Variants in RALGPS1 observed in about 807,000 individuals in gnomAD.
RALGPS1 encodes the protein Ral GEF with PH domain and SH3 binding motif 1.
A neutral mutation model predicts 78.8 loss-of-function variants in RALGPS1; 19 were observed. The ratio of observed to expected loss-of-function variants is 0.24; its 90% CI spans 0.17 to 0.35. RALGPS1 has a LOEUF of 0.35. RALGPS1 is among the 10% of genes least tolerant of loss of function. The probability of loss-of-function intolerance (pLI) is 1.00; values close to 1 mark genes in which losing one functional copy is unlikely to be tolerated. For synonymous variants in RALGPS1, 228 were observed against 256.3 expected, an observed-to-expected ratio of 0.89 and a Z score of 1.06; for missense variants, 454 against 688.3, an observed-to-expected ratio of 0.66 and a Z score of 3.81.
intron 8 of RALGPS1, among the ~76,000 whole-genome samples, chr9:127,116,801 G>T (rs1027498826): frequency 1.3e-5 from 2 of 152,210 alleles, no homozygotes; most frequent in Non-Finnish European, 2.9e-5. Context: ...GCTCTTTGAG[G>T]CAGGGGCTAT....
intron 11 of RALGPS1, among the ~76,000 whole-genome samples, chr9:127,176,851 A>G (rs989208092): frequency 2.0e-5 from 3 of 152,036 alleles, no homozygotes; most frequent in African/African-American, 7.3e-5. Flanking sequence ...GCCTTTCCCT[A>G]GTGGCTCTGT....
chr9:127,170,249 A>G (rs2059501070), intron 10 of RALGPS1, among the ~76,000 whole-genome samples: 2 of 152,188 alleles, frequency 1.3e-5, no homozygotes, highest in Admixed American at 1.3e-4. Flanking sequence ...CCACCTGGTC[A>G]GCTTTACAGG....
At chr9:127,007,629 G>T (rs764933089) in intron 4 of RALGPS1, among the ~76,000 whole-genome samples, 5 of 152,178 alleles carry the variant, frequency 3.3e-5, no homozygotes, top group Non-Finnish European at 5.9e-5. Context: ...TTTTCAGGCA[G>T]AGGGAGCAGC....
At chr9:127,136,997 T>C (rs1004704871) in intron 8 of RALGPS1, among the ~76,000 whole-genome samples, 1 of 152,104 alleles carries the variant, frequency 6.6e-6, no homozygotes, top group African/African-American at 2.4e-5. Flanking sequence ...GCCACAGGAA[T>C]GACCCATGTC....
At chr9:127,130,867 A>G (rs552093499) in intron 8 of RALGPS1, among the ~76,000 whole-genome samples, 6 of 152,296 alleles carry the variant, frequency 3.9e-5, no homozygotes, top group South Asian at 4.1e-4. Context: ...TTATCTGCCT[A>G]TGTGATGGAG....
intron 11 of RALGPS1, among the ~76,000 whole-genome samples, chr9:127,194,034 G>A (rs1049542297): frequency 2.5e-4 from 38 of 152,308 alleles, no homozygotes; most frequent in Non-Finnish European, 3.8e-4. Context: ...TCTGTGTATT[G>A]TGCACAGTGA....
Position 127,212,595 on chromosome 9 carries a change from G to T in RALGPS1, c.1354-32G>T. 1 of 1,508,538 alleles carries T rather than the reference G, an allele frequency of 6.6e-7. No homozygotes were observed. Among genetic ancestry groups the T allele is most frequent in the South Asian group, 1.1e-5 (1 of 87,424 alleles). The allele number at this position is 1,508,538 out of a possible 1,614,324, so 93.4% of individuals were successfully genotyped here. A position where few individuals can be genotyped will look rare whatever the true frequency, so the allele number is the denominator to read the frequency against. On this transcript the variant is annotated intron_variant, in intron 15 of 18. Coordinates refer to ENST00000259351, the MANE Select transcript of RALGPS1 (RefSeq NM_014636.3). The surrounding 1 kb of genome is among the most constrained non-coding windows in gnomAD (Gnocchi z 6.0). ...GGATCCTCTACCCCCACGACCCCTG[G>T]TGGCATCACTCAGCCTCCCCTTCCT...
chr9:127,142,270 G>GT (rs2057832618), intron 8 of RALGPS1, among the ~76,000 whole-genome samples: 2 of 152,232 alleles, frequency 1.3e-5, no homozygotes, highest in Non-Finnish European at 2.9e-5. Flanking sequence ...GTCTCAGGTT[G>GT]CAACAGTAGG....
At chr9:126,950,766 A>C (rs2131727785) in intron 1 of RALGPS1, among the ~76,000 whole-genome samples, 1 of 152,064 alleles carries the variant, frequency 6.6e-6, no homozygotes, top group South Asian at 2.1e-4. Context: ...CTAGAAAAGC[A>C]AGAGCAAACA....
At chr9:127,206,677 C>G (rs1202710107) in intron 14 of RALGPS1, among the ~76,000 whole-genome samples, 1 of 152,112 alleles carries the variant, frequency 6.6e-6, no homozygotes, top group African/African-American at 2.4e-5. Context: ...CTACTAAGAC[C>G]AAGATTACCA....
intron 8 of RALGPS1, among the ~76,000 whole-genome samples, chr9:127,112,598 C>T (rs79124973): frequency 2.0e-4 from 31 of 152,350 alleles, no homozygotes; most frequent in African/African-American, 5.8e-4. Flanking sequence ...CACAGCTCCC[C>T]GACAGAGTTC....
chr9:127,167,220 A>T (rs2139648623), intron 9 of RALGPS1, among the ~76,000 whole-genome samples: 1 of 152,324 alleles, frequency 6.6e-6, no homozygotes. Context: ...GGGTGGGTTC[A>T]CCAAAGCAAG....
At chr9:126,950,811 A>C in intron 1 of RALGPS1, among the ~76,000 whole-genome samples, 1 of 151,138 alleles carries the variant, frequency 6.6e-6, no homozygotes, top group African/African-American at 2.4e-5. Context: ...GAAATAACTA[A>C]AATCAGAGCA....
Position 127,108,230 on chromosome 9 carries a change from C to T in RALGPS1, c.610+38874C>T, listed in dbSNP as rs748017259. 13 of 1,613,930 alleles carry T rather than the reference C, an allele frequency of 8.1e-6. No homozygotes were observed. Among genetic ancestry groups the T allele is most frequent in the Admixed American group, 1.7e-5 (1 of 59,994 alleles). On this transcript the variant is annotated intron_variant, in intron 8 of 18. Transcript: ENST00000259351. Reference sequence around the variant, plus strand: ...TACTTGCTGGCCAGCTGCAGCATGTCGGCTGTCTGGTTCAGGATCCTGTTC... The same window carrying T: ...TACTTGCTGGCCAGCTGCAGCATGTTGGCTGTCTGGTTCAGGATCCTGTTC...
intron 8 of RALGPS1, among the ~76,000 whole-genome samples, chr9:127,120,664 T>TAC (rs1270046683): frequency 1.3e-5 from 2 of 151,922 alleles, no homozygotes; most frequent in African/African-American, 4.8e-5. Context: ...CTACTGAAAA[T>TAC]ACACACACAC....
At chr9:126,962,175 G>A (rs2038952626) in intron 1 of RALGPS1, 50 bp from the exon 2 acceptor site, 1 of 985,420 alleles carries the variant, frequency 1.0e-6, no homozygotes, top group Middle Eastern at 2.2e-4. Flanking sequence ...CTGGGGGTGG[G>A]GATAAATTTG....
chr9:127,196,590 C>T lies in RALGPS1; in HGVS notation c.1154C>T (p.Ala385Val), dbSNP rs1158666861. The T allele has an allele frequency of 2.2e-5, 35 of 1,612,712 alleles. No homozygotes were observed. Among genetic ancestry groups the T allele is most frequent in the Non-Finnish European group, 3.0e-5 (35 of 1,179,312 alleles). ...LESRSPRRGL[A>V]LTSSSAVTNG... is the part of the protein sequence containing the mutation. ...TCCCGCAGCCCCCGAAGGGGCCTGG[C>T]TCTGACCTCCTCCTCTGCTGTCACC... The change falls in exon 13 of 19, where the codon GCT becomes GTT. Residue 385 changes from alanine (A) to valine (V), a missense_variant. By Grantham distance (64) the Ala-to-Val change is moderately conservative. Coordinates refer to ENST00000259351, the MANE Select transcript of RALGPS1 (RefSeq NM_014636.3).
intron 8 of RALGPS1, among the ~76,000 whole-genome samples, chr9:127,159,280 C>G (rs1477223851): frequency 2.0e-5 from 3 of 152,170 alleles, no homozygotes; most frequent in Non-Finnish European, 4.4e-5. Context: ...CATTACCAGG[C>G]AATCCCCAGG....
In RALGPS1 at chr9:126,951,724, T is replaced by C. The variant is rs187319939; in HGVS notation, c.-65-10501T>C. Reference sequence around the variant, plus strand: ...CACAGCCATTGTCATACTGAATGGGTAAAAAACTGGAAGCATTCCCTTTGA... The same window carrying C: ...CACAGCCATTGTCATACTGAATGGGCAAAAAACTGGAAGCATTCCCTTTGA... On this transcript the variant is annotated intron_variant, in intron 1 of 18. Transcript: ENST00000259351. Among the ~76,000 whole-genome samples the C allele has an allele frequency of 8.4e-3, 1,277 of 152,242 alleles. 22 individuals carry two copies. The highest frequency in any genetic ancestry group is 0.011 in the Non-Finnish European group (770 of 68,018).
Sources: gnomAD v4.1 joint callset for allele counts (sites outside exome capture counted in the v4.1 genomes callset) on GRCh38, gnomAD v4.1.1 for gene constraint, Gnocchi (gnomAD v3.1) non-coding constraint, MANE v1.5 for transcripts, NCBI Gene and HGNC (gene_info 2026-07-23, HGNC 2026-07-21) for gene names.